PRDM11: variants seen among roughly 807,000 people sequenced by gnomAD.
The protein encoded by PRDM11 is PR domain-containing protein 11.
Under a neutral mutation model 97.8 loss-of-function variants are expected in PRDM11, and 20 were observed. The observed-to-expected ratio is 0.20, with a 90% CI of 0.14 to 0.30. PRDM11 has a LOEUF of 0.30. Ranked by LOEUF, PRDM11 falls within the 10% of genes least tolerant of loss-of-function variation. The pLI, the probability that PRDM11 is intolerant of heterozygous loss-of-function variation, is 1.00. For missense variants in PRDM11, 1,139 were observed against 1,555.2 expected, an observed-to-expected ratio of 0.73 and a Z score of 4.50; for synonymous variants, 599 against 637.7, an observed-to-expected ratio of 0.94 and a Z score of 0.91.
chr11:45,226,272 C>T lies in PRDM11; in HGVS notation c.1647C>T (p.Ser549=), dbSNP rs1269064473. The change falls in exon 8 of 8, where the codon TCC becomes TCT. Residue 549 remains serine, a synonymous_variant. Transcript: ENST00000683152. The part of the protein sequence containing the change: ...SSRTSAFIIG[S]KQFKIHTIKL... ...GCACCTCGGCCTTCATCATTGGCTC[C>T]AAGCAGTTTAAGATTCACACCATCA... is the stretch of plus-strand genomic sequence containing the variant. 2.0e-6 allele frequency: 3 copies of T among 1,533,984 alleles called. No homozygotes were observed. The highest frequency in any genetic ancestry group is 2.4e-5 in the East Asian group (1 of 40,908).
At chr11:45,198,448 A>G (rs1853209362) in intron 4 of PRDM11, among the ~76,000 whole-genome samples, 1 of 152,238 alleles carries the variant, frequency 6.6e-6, no homozygotes, top group Non-Finnish European at 1.5e-5. Context: ...TCAACTGTGA[A>G]TGGCTTCACC....
chr11:45,130,447 CAT>C (rs1001867087), intron 1 of PRDM11, among the ~76,000 whole-genome samples: 26 of 152,142 alleles, frequency 1.7e-4, no homozygotes, highest in African/African-American at 2.4e-5. Flanking sequence ...CCAATCAACA[CAT>C]GAGAAGGTGT....
At chr11:45,165,228 C>T (rs1389396923) in intron 1 of PRDM11, among the ~76,000 whole-genome samples, 2 of 152,198 alleles carry the variant, frequency 1.3e-5, no homozygotes, top group Admixed American at 6.5e-5. Context: ...CCCTCCTCGC[C>T]TCTCCCATGC....
chr11:45,227,764 G>A lies in PRDM11; in HGVS notation c.3139G>A (p.Asp1047Asn), dbSNP rs1288400680. Reference protein sequence around the residue: ...LLMEWRELKADYYTKNGFKDL... With the variant: ...LLMEWRELKANYYTKNGFKDL... ...GATGGAGTGGCGAGAACTCAAGGCT[G>A]ATTACTACACCAAAAATGGCTTCAA... is the stretch of plus-strand genomic sequence containing the variant. Residue 1047 changes from aspartate (D) to asparagine (N), a missense_variant, in exon 8 of 8, where the codon GAT (aspartate) becomes AAT (asparagine). Physicochemically the swap from Asp to Asn is conservative, Grantham distance 23. Transcript: ENST00000683152. This position sits in a 1 kb window ranked among gnomAD's most constrained non-coding sequence, Gnocchi z 8.0. The A allele has an allele frequency of 5.9e-6, 9 of 1,533,760 alleles. No individual in the cohort carries two copies. Among genetic ancestry groups the A allele is most frequent in the South Asian group, 2.4e-5 (2 of 83,958 alleles).
At position 45,218,377 on chromosome 11, in the gene PRDM11, C is replaced by T. The variant is rs573291427; in HGVS notation, c.555-1193C>T. 2.0e-5 allele frequency among the ~76,000 whole-genome samples: 3 copies of T among 152,264 alleles called. No individual in the cohort carries two copies. In the South Asian group the frequency reaches 6.2e-4, roughly 32 times the overall value. On this transcript the variant is annotated intron_variant, in intron 5 of 7. Transcript: ENST00000683152. ...TATTATCATCTTTTAGAAATCTGTG[C>T]CAATGAGACAATGTACTACGCTGTG...
intron 1 of PRDM11, among the ~76,000 whole-genome samples, chr11:45,177,915 A>T (rs891631878): frequency 1.3e-5 from 2 of 152,128 alleles, no homozygotes; most frequent in African/African-American, 4.8e-5. Flanking sequence ...TGTCCTGTTT[A>T]GTATGTGTTT....
chr11:45,135,221 A>G (rs573093665), intron 1 of PRDM11, among the ~76,000 whole-genome samples: 307 of 152,356 alleles, frequency 2.0e-3, no homozygotes, highest in Non-Finnish European at 3.1e-3. Context: ...AGGAAACATC[A>G]TGAAAACAGG....
At chr11:45,103,402 A>G (rs1047967224) in intron 1 of PRDM11, among the ~76,000 whole-genome samples, 2 of 152,244 alleles carry the variant, frequency 1.3e-5, no homozygotes, top group East Asian at 3.9e-4. Flanking sequence ...AGGAAGAGGA[A>G]ATAACTTGTA....
Position 45,219,394 on chromosome 11 carries a change from A to G in PRDM11, c.555-176A>G, listed in dbSNP as rs1854047193. Among the ~76,000 whole-genome samples the G allele has an allele frequency of 6.6e-6, 1 of 152,070 alleles. No individual in the cohort carries two copies. The highest frequency in any genetic ancestry group is 2.4e-5 in the African/African-American group (1 of 41,418). ...ACAACACGGTGACGTTGGGACAGGG[A>G]TGGGTTCTGGCTGGTGCTGCTTCTC... is the stretch of plus-strand genomic sequence containing the variant. On this transcript the variant is annotated intron_variant, in intron 5 of 7. Transcript: ENST00000683152. The surrounding 1 kb of genome is among the most constrained non-coding windows in gnomAD (Gnocchi z 4.2).
intron 5 of PRDM11, chr11:45,213,507 C>T (rs553965970): frequency 8.8e-6 from 4 of 456,478 alleles, no homozygotes; most frequent in Non-Finnish European, 1.8e-5. Context: ...GAGGGGTCTA[C>T]CCTCCCTTGC....
At chr11:45,119,234 A>G (rs1347134691) in intron 1 of PRDM11, among the ~76,000 whole-genome samples, 1 of 152,204 alleles carries the variant, frequency 6.6e-6, no homozygotes, top group Non-Finnish European at 1.5e-5. Flanking sequence ...TTCCTTCCTG[A>G]AACATCTGTC....
At chr11:45,201,832 G>T (rs889320177) in intron 4 of PRDM11, among the ~76,000 whole-genome samples, 1 of 152,108 alleles carries the variant, frequency 6.6e-6, no homozygotes, top group Admixed American at 6.5e-5. Context: ...AATTAGTCAG[G>T]CATGGTGGCA....
rs1439172399 is a variant in PRDM11, at chr11:45,227,074, G to C, written c.2449G>C (p.Glu817Gln). 3.3e-6 allele frequency: 5 copies of C among 1,533,994 alleles called. No homozygotes were observed. Among genetic ancestry groups the C allele is most frequent in the Non-Finnish European group, 4.4e-6 (5 of 1,146,742 alleles). ...STAATLCEETEFLGDIRAVRW... is the reference protein window; with the variant it reads ...STAATLCEETQFLGDIRAVRW... ...GGCGGCCACCCTTTGTGAGGAGACA[G>C]AGTTCCTGGGCGATATCCGGGCAGT... Residue 817 changes from glutamate to glutamine, a missense_variant, in exon 8 of 8, where the codon GAG becomes CAG. This residue lies in a region of PRDM11 where 710 missense variants were observed against 1,044.9 expected (regional missense o/e 0.68). Coordinates refer to ENST00000683152, the MANE Select transcript of PRDM11 (RefSeq NM_001384648.1). The surrounding 1 kb of genome is among the most constrained non-coding windows in gnomAD (Gnocchi z 8.0).
chr11:45,138,555 G>T (rs1214292672), intron 1 of PRDM11, among the ~76,000 whole-genome samples: 1 of 152,112 alleles, frequency 6.6e-6, no homozygotes, highest in Non-Finnish European at 1.5e-5. Context: ...GTGACAGAGC[G>T]AGACTCTGTC....
chr11:45,178,424 CT>C (rs1318567692), intron 1 of PRDM11, among the ~76,000 whole-genome samples: 2 of 152,162 alleles, frequency 1.3e-5, no homozygotes, highest in Non-Finnish European at 2.9e-5. Context: ...ATCCTACCCC[CT>C]AGTGCTCCAT....
At chr11:45,225,470 CTT>C (rs1854251724) in intron 7 of PRDM11, among the ~76,000 whole-genome samples, 1 of 152,202 alleles carries the variant, frequency 6.6e-6, no homozygotes. Context: ...AGCACTTACT[CTT>C]TTAACCACAT....
intron 1 of PRDM11, among the ~76,000 whole-genome samples, chr11:45,132,208 T>C (rs10838423): frequency 0.47 from 72,050 of 152,016 alleles, 18,644 homozygotes; most frequent in Non-Finnish European, 0.58. Context: ...CAGGGGGTCA[T>C]TTTCCCTGAG....
intron 4 of PRDM11, among the ~76,000 whole-genome samples, chr11:45,196,509 T>A (rs1302885531): frequency 6.6e-6 from 1 of 152,220 alleles, no homozygotes; most frequent in Admixed American, 6.5e-5. Flanking sequence ...AGCAAACTCC[T>A]GATCCAGATA....
upstream of PRDM11, among the ~76,000 whole-genome samples, chr11:45,141,899 G>A (rs1357462991): frequency 1.3e-5 from 2 of 152,106 alleles, no homozygotes; most frequent in Non-Finnish European, 2.9e-5. Flanking sequence ...AGTTTTTGTT[G>A]TTTCAGCTTC....
Sources: gnomAD v4.1 joint callset for allele counts (sites outside exome capture counted in the v4.1 genomes callset) on GRCh38, gnomAD v4.1.1 for gene constraint, gnomAD v4.1.1 regional missense constraint, Gnocchi (gnomAD v3.1) non-coding constraint, MANE v1.5 for transcripts, NCBI Gene and HGNC (gene_info 2026-07-23, HGNC 2026-07-21) for gene names.